Variants in WIPI2 observed in about 807,000 individuals in gnomAD.
The protein encoded by WIPI2 is WD repeat domain, phosphoinositide interacting 2.
WIPI2 carries 28 observed loss-of-function variants against 52.3 expected under a neutral mutation model. That is an observed-to-expected ratio of 0.54 (90% CI 0.40 to 0.73). The LOEUF (loss-of-function observed/expected upper bound fraction) is 0.73. Ranked by LOEUF, WIPI2 falls within the 30% of genes least tolerant of loss-of-function variation. The pLI, the probability that WIPI2 is intolerant of heterozygous loss-of-function variation, is 0.00. For missense variants in WIPI2, 506 were observed against 602.9 expected (o/e 0.84, Z 1.68); for synonymous variants, 268 against 245.0 (o/e 1.09, Z -0.88).
intron 3 of WIPI2, among the ~76,000 whole-genome samples, chr7:5,205,540 C>T (rs1429751196): frequency 6.6e-6 from 1 of 152,212 alleles, no homozygotes; most frequent in South Asian, 2.1e-4. Flanking sequence ...TGTCCTGCCT[C>T]TGCTGCTGCC....
At chr7:5,212,142 G>T (rs567389575) in intron 3 of WIPI2, among the ~76,000 whole-genome samples, 5 of 152,144 alleles carry the variant, frequency 3.3e-5, no homozygotes, top group African/African-American at 7.2e-5. Flanking sequence ...CATTCCATCC[G>T]TTCAGCCAGT....
intron 2 of WIPI2, among the ~76,000 whole-genome samples, chr7:5,194,575 A>G (rs1433105759): frequency 1.3e-5 from 2 of 152,222 alleles, no homozygotes; most frequent in Admixed American, 6.5e-5. Context: ...TTCCATCCCC[A>G]GACCCTAATA....
intron 2 of WIPI2, among the ~76,000 whole-genome samples, chr7:5,199,189 C>G (rs1781906956): frequency 6.6e-6 from 1 of 152,040 alleles, no homozygotes; most frequent in Admixed American, 6.6e-5. Context: ...CACCACCATG[C>G]CTAGCTAATT....
chr7:5,190,758 C>T (rs548996588), intron 1 of WIPI2: 6 of 339,520 alleles, frequency 1.8e-5, no homozygotes, highest in East Asian at 4.5e-5. Context: ...GCGGGGAGGC[C>T]CCCTGGCTTC....
Position 5,230,789 on chromosome 7 carries a change from G to A in WIPI2, c.1253-46G>A. ...CCTCAGTGTGTGTCATGGGGTCTGT[G>A]GTGTGTCCCCAGCCTTTGAAGGGTG... is the stretch of plus-strand genomic sequence containing the variant. On this transcript the variant is annotated intron_variant, in intron 12 of 12. Coordinates refer to ENST00000288828, the MANE Select transcript of WIPI2 (RefSeq NM_015610.4). This position sits in a 1 kb window ranked among gnomAD's most constrained non-coding sequence, Gnocchi z 4.8. 6.7e-7 allele frequency: 1 copy of A among 1,487,090 alleles called. No homozygotes were observed. Among genetic ancestry groups the A allele is most frequent in the Non-Finnish European group, 9.3e-7 (1 of 1,074,982 alleles). 92.1% of individuals were successfully genotyped at this position (1,487,090 alleles called of 1,614,324 possible).
chr7:5,216,724 T>G lies in WIPI2; in HGVS notation c.478+65T>G, dbSNP rs1021836974. 3 of 1,497,584 alleles carry G rather than the reference T, an allele frequency of 2.0e-6. No homozygotes were observed. In the African/African-American group the frequency reaches 4.2e-5, roughly 21 times the overall value. 92.8% of individuals were successfully genotyped at this position (1,497,584 alleles called of 1,614,324 possible). ...TTTGCCCTTGAAAGATAGCTATAGG[T>G]GAGAGAGATTTTTTCTTTTTATAGG... is the stretch of plus-strand genomic sequence containing the variant. On this transcript the variant is annotated intron_variant, in intron 5 of 12. Coordinates refer to ENST00000288828, the MANE Select transcript of WIPI2 (RefSeq NM_015610.4).
intron 11 of WIPI2, among the ~76,000 whole-genome samples, chr7:5,228,819 C>T (rs1783575060): frequency 6.6e-6 from 1 of 152,192 alleles, no homozygotes; most frequent in African/African-American, 2.4e-5. Context: ...GCCTTGACCT[C>T]CCAGGTTCAA....
Position 5,217,079 on chromosome 7 carries a change from G to C in WIPI2, c.479-11G>C. On this transcript the variant is annotated splice_polypyrimidine_tract_variant and intron_variant, in intron 5 of 12. Transcript: ENST00000288828. ...GAAGTTTGCATCTCGTCCTCCGTGT[G>C]TCATTTGCAGGCCTGTGTGCGCTGT... 3 of 1,604,104 alleles carry C rather than the reference G, an allele frequency of 1.9e-6. No individual in the cohort carries two copies. The highest frequency in any genetic ancestry group is 2.6e-6 in the Non-Finnish European group (3 of 1,171,858).
intron 8 of WIPI2, among the ~76,000 whole-genome samples, chr7:5,225,163 CAG>C (rs1427223054): frequency 6.6e-6 from 1 of 150,782 alleles, no homozygotes; most frequent in East Asian, 1.9e-4. Context: ...ATAATTGAGA[CAG>C]AGTCTCACTC....
At chr7:5,194,127 T>C (rs572893647) in intron 2 of WIPI2, among the ~76,000 whole-genome samples, 5 of 150,730 alleles carry the variant, frequency 3.3e-5, no homozygotes, top group Non-Finnish European at 7.4e-5. Context: ...AACATCGTGG[T>C]GAAAAAGCCG....
In WIPI2 at chr7:5,232,546, C is replaced by T. The variant is rs12472; in HGVS notation, c.*1599C>T. The stretch of plus-strand genomic sequence containing the variant: ...CTGGACCTTTGATGAAATGGGATCC[C>T]GGTCACGCAGGCTGAGACAGTGGGG... On this transcript the variant is annotated 3_prime_UTR_variant, in exon 13 of 13. Coordinates refer to ENST00000288828, the MANE Select transcript of WIPI2 (RefSeq NM_015610.4). 77,013 of 382,430 alleles carry T rather than the reference C, an allele frequency of 0.2. 8,323 individuals carry two copies. The highest frequency in any genetic ancestry group is 0.3 in the Admixed American group (6,713 of 22,174). The allele number at this position is 382,430 out of a possible 1,614,324, so 23.7% of individuals were successfully genotyped here.
chr7:5,218,419 C>G (rs1782931869), intron 7 of WIPI2: 1 of 167,134 alleles, frequency 6.0e-6, no homozygotes, highest in Non-Finnish European at 1.3e-5. Flanking sequence ...ATTTCATTTT[C>G]TCTTTAGTCA....
intron 3 of WIPI2, among the ~76,000 whole-genome samples, chr7:5,200,561 G>GT (rs11369627): frequency 0.9 from 136,143 of 150,630 alleles, 61,619 homozygotes; most frequent in East Asian, 0.95. Flanking sequence ...TTTTTTGTTT[G>GT]TTTTTTTTTG....
chr7:5,222,981 C>T (rs562819892), intron 8 of WIPI2, among the ~76,000 whole-genome samples: 5 of 152,348 alleles, frequency 3.3e-5, no homozygotes, highest in South Asian at 2.1e-4. Context: ...GGGGCGGCGA[C>T]GTCATGGGTA....
chr7:5,216,227 T>TC (rs1782804560), intron 4 of WIPI2: 1 of 196,516 alleles, frequency 5.1e-6, no homozygotes, highest in Non-Finnish European at 1.1e-5. Flanking sequence ...AGGTCAGGAG[T>TC]CCAAGACCAG....
intron 8 of WIPI2, chr7:5,222,949 C>G (rs572939161): frequency 6.4e-5 from 26 of 403,752 alleles, no homozygotes; most frequent in Middle Eastern, 7.7e-4. Context: ...TGCCCGGCAG[C>G]TCCCAGCCTG....
chr7:5,228,960 C>T (rs2115323894), intron 11 of WIPI2, among the ~76,000 whole-genome samples: 1 of 152,254 alleles, frequency 6.6e-6, no homozygotes, highest in East Asian at 1.9e-4. Flanking sequence ...TCAAGTGAGC[C>T]TCCTGCCTTG....
At chr7:5,198,418 A>G (rs1037351897) in intron 2 of WIPI2, among the ~76,000 whole-genome samples, 1 of 152,048 alleles carries the variant, frequency 6.6e-6, no homozygotes, top group Non-Finnish European at 1.5e-5. Context: ...GGTTCAAGCA[A>G]TTCTGCTGCC....
At chr7:5,214,735 G>T (rs1157904484) in intron 4 of WIPI2, 31 bp downstream of exon 4, 1 of 1,610,734 alleles carries the variant, frequency 6.2e-7, no homozygotes, top group Non-Finnish European at 8.5e-7. Flanking sequence ...GTGTGGGCTT[G>T]TCTGTTGCTC....
Sources: allele counts gnomAD v4.1 joint callset (sites outside exome capture counted in the v4.1 genomes callset), GRCh38; gene constraint gnomAD v4.1.1; non-coding constraint Gnocchi (gnomAD v3.1); transcripts MANE v1.5; gene names NCBI Gene and HGNC (gene_info 2026-07-23, HGNC 2026-07-21).